The following HHAT variants were observed in gnomAD, a reference collection of about 807,000 sequenced individuals.
The protein encoded by HHAT is protein-cysteine N-palmitoyltransferase HHAT.
Under a neutral mutation model 70.8 loss-of-function variants are expected in HHAT, and 47 were observed. The ratio of observed to expected loss-of-function variants is 0.66; its 90% CI spans 0.53 to 0.85. The LOEUF (loss-of-function observed/expected upper bound fraction) is 0.85, where lower values mean the gene tolerates loss of function less well. HHAT is among the 40% of genes least tolerant of loss of function. The probability of loss-of-function intolerance (pLI) is 0.00; values close to 1 mark genes in which losing one functional copy is unlikely to be tolerated. For synonymous variants in HHAT, 228 were observed against 247.6 expected (o/e 0.92, Z 0.74); for missense variants, 609 against 604.8 (o/e 1.01, Z -0.07).
At chr1:210,345,582 T>C (rs2086447904) in intron 1 of HHAT, among the ~76,000 whole-genome samples, 1 of 152,252 alleles carries the variant, frequency 6.6e-6, no homozygotes, top group Non-Finnish European at 1.5e-5. Context: ...CTCTTGTTTA[T>C]TTCAGTGTTT....
chr1:210,466,931 A>G (rs976587030), intron 8 of HHAT, among the ~76,000 whole-genome samples: 2 of 152,176 alleles, frequency 1.3e-5, no homozygotes, highest in South Asian at 2.1e-4. Context: ...TTTAAGACAA[A>G]TGTGGACAAA....
At chr1:210,587,544 A>C (rs1054103855) in intron 9 of HHAT, among the ~76,000 whole-genome samples, 9 of 152,234 alleles carry the variant, frequency 5.9e-5, no homozygotes, top group Non-Finnish European at 1.2e-4. Flanking sequence ...TGCTGGCCTC[A>C]TGTAGCCAGA....
At chr1:210,672,061 T>A (rs1343569225) in intron 11 of HHAT, among the ~76,000 whole-genome samples, 1 of 152,232 alleles carries the variant, frequency 6.6e-6, no homozygotes, top group East Asian at 1.9e-4. Context: ...ACTGTGCAAG[T>A]CTTTACATCA....
rs183676876 is a variant in HHAT, at chr1:210,472,774, G to T, written c.1007+8119G>T. On this transcript the variant is annotated intron_variant, in intron 8 of 11. Transcript: ENST00000261458. Reference sequence around the variant, plus strand: ...CCTCAAGGAGATATAACACATCAATGAATGCACATGAGTTATACATTGGTT... The same window carrying T: ...CCTCAAGGAGATATAACACATCAATTAATGCACATGAGTTATACATTGGTT... 2.6e-3 allele frequency among the ~76,000 whole-genome samples: 403 copies of T among 152,298 alleles called. 2 individuals carry two copies. Among genetic ancestry groups the T allele is most frequent in the Admixed American group, 7.1e-3 (108 of 15,282 alleles).
At chr1:210,393,934 C>G (rs930497140) in intron 4 of HHAT, among the ~76,000 whole-genome samples, 1 of 152,146 alleles carries the variant, frequency 6.6e-6, no homozygotes, top group African/African-American at 2.4e-5. Flanking sequence ...CTTTCACCAC[C>G]TGGACTAAGT....
chr1:210,546,937 G>T (rs1430483381), intron 9 of HHAT, among the ~76,000 whole-genome samples: 1 of 151,740 alleles, frequency 6.6e-6, no homozygotes, highest in African/African-American at 2.4e-5. Flanking sequence ...GTGACAGATT[G>T]TGATGAACTG....
In HHAT at chr1:210,518,564, G is replaced by A. The variant is rs367929632; in HGVS notation, c.1043+5376G>A. The stretch of plus-strand genomic sequence containing the variant: ...TCCCAGCACTTTGGGAGGCTGAATC[G>A]GGTAGATCACTTGAGGCCAGGAGTT... On this transcript the variant is annotated intron_variant, in intron 9 of 11. Transcript: ENST00000261458. 5.5e-4 allele frequency among the ~76,000 whole-genome samples: 83 copies of A among 152,260 alleles called. 1 individual carries two copies. The South Asian group carries it at 0.014, about 26-fold the overall frequency.
intron 8 of HHAT, among the ~76,000 whole-genome samples, chr1:210,502,972 A>G (rs974656872): frequency 6.8e-6 from 1 of 146,972 alleles, no homozygotes; most frequent in South Asian, 2.2e-4. Flanking sequence ...TACTGAAGAT[A>G]TTTTTTTTTT....
chr1:210,444,578 A>G (rs991723485), intron 7 of HHAT, among the ~76,000 whole-genome samples: 5 of 151,050 alleles, frequency 3.3e-5, no homozygotes, highest in African/African-American at 4.9e-5. Flanking sequence ...GTCTTGGGAG[A>G]GTGTATGTGT....
chr1:210,568,502 G>C (rs1655320361), intron 9 of HHAT, among the ~76,000 whole-genome samples: 1 of 152,106 alleles, frequency 6.6e-6, no homozygotes, highest in African/African-American at 2.4e-5. Context: ...CAAAGAATTG[G>C]GCAAAATGCA....
At chr1:210,466,769 AT>A (rs11376201) in intron 8 of HHAT, among the ~76,000 whole-genome samples, 9 of 151,068 alleles carry the variant, frequency 6.0e-5, no homozygotes, top group East Asian at 1.9e-4. Context: ...TATTTTAATA[AT>A]TTTTTTTTTG....
rs869305965 is a variant in HHAT at position 210,386,230 on chromosome 1, C to CTTTTTTTTTTTTTTTTTTTTTT, written c.160-1233_160-1212dup. On this transcript the variant is annotated intron_variant, in intron 3 of 11. Coordinates refer to ENST00000261458, the MANE Select transcript of HHAT (RefSeq NM_018194.6). ...ATTGCAGGAGTCCTTTTCTTTTTTT[C>CTTTTTTTTTTTTTTTTTTTTTT]TTTTTTTTTTTTTTTTTTTTTTTTT... Among the ~76,000 whole-genome samples the CTTTTTTTTTTTTTTTTTTTTTT allele has an allele frequency of 2.1e-4, 15 of 69,920 alleles. 1 individual carries two copies. The highest frequency in any genetic ancestry group is 8.7e-4 in the African/African-American group (14 of 16,020). The allele number at this position is 69,920 out of a possible 152,430, so 45.9% of individuals were successfully genotyped here.
At chr1:210,381,794 G>T (rs1317178411) in intron 3 of HHAT, among the ~76,000 whole-genome samples, 2 of 152,134 alleles carry the variant, frequency 1.3e-5, no homozygotes, top group Non-Finnish European at 2.9e-5. Flanking sequence ...TCCAAAAACA[G>T]TGGGACCAGG....
At chr1:210,512,670 C>CAA (rs34037290) in intron 8 of HHAT, among the ~76,000 whole-genome samples, 23 of 96,532 alleles carry the variant, frequency 2.4e-4, no homozygotes, top group African/African-American at 5.3e-4. Context: ...GACCTTGTCT[C>CAA]AAAAAAAAAA....
chr1:210,327,398 A>G (rs6686928), upstream of HHAT, among the ~76,000 whole-genome samples: 1,040 of 151,350 alleles, frequency 6.9e-3, 9 homozygotes, highest in African/African-American at 0.024. Context: ...CGACCTCCCA[A>G]AGTGCTGGGA....
intron 4 of HHAT, among the ~76,000 whole-genome samples, chr1:210,394,833 T>C (rs1367495916): frequency 6.6e-6 from 1 of 152,140 alleles, no homozygotes; most frequent in Non-Finnish European, 1.5e-5. Context: ...CTAATGGTTT[T>C]CCTGGAATCA....
intron 9 of HHAT, among the ~76,000 whole-genome samples, chr1:210,528,998 A>C (rs765744408): frequency 2.6e-5 from 4 of 152,112 alleles, no homozygotes; most frequent in Non-Finnish European, 5.9e-5. Context: ...TTTGTTAGAA[A>C]ATGGGTGCCG....
At chr1:210,339,674 G>A (rs1378376496) in intron 1 of HHAT, among the ~76,000 whole-genome samples, 1 of 152,184 alleles carries the variant, frequency 6.6e-6, no homozygotes, top group Non-Finnish European at 1.5e-5. Context: ...GGTCATCATG[G>A]CCCCCTCCAG....
intron 3 of HHAT, among the ~76,000 whole-genome samples, chr1:210,375,863 TAAA>T (rs71678097): frequency 4.2e-5 from 6 of 143,638 alleles, no homozygotes; most frequent in African/African-American, 1.5e-4. Context: ...GTTCAATAAT[TAAA>T]AAAAAAAAAA....
Sources: allele counts gnomAD v4.1 joint callset (sites outside exome capture counted in the v4.1 genomes callset), GRCh38; gene constraint gnomAD v4.1.1; transcripts MANE v1.5; gene names NCBI Gene and HGNC (gene_info 2026-07-23, HGNC 2026-07-21).